POLR1D: variants seen among roughly 807,000 people sequenced by gnomAD.
POLR1D encodes RNA polymerase I and III subunit D.
POLR1D carries 8 observed loss-of-function variants against 10.8 expected under a neutral mutation model. The observed-to-expected ratio is 0.74, with a 90% CI of 0.43 to 1.33. The LOEUF (loss-of-function observed/expected upper bound fraction) is 1.33, where lower values mean the gene tolerates loss of function less well. Ranked by LOEUF, POLR1D falls within the 40% of genes most tolerant of loss-of-function variation. The pLI, the probability that POLR1D is intolerant of heterozygous loss-of-function variation, is 0.01. For synonymous variants in POLR1D, 54 were observed against 57.2 expected, an observed-to-expected ratio of 0.94 and a Z score of 0.25; for missense variants, 152 against 161.7, an observed-to-expected ratio of 0.94 and a Z score of 0.32.
Position 27,663,300 on chromosome 13 carries a change from C to T in POLR1D, c.102-2386C>T, listed in dbSNP as rs1956382801. Among the ~76,000 whole-genome samples the T allele has an allele frequency of 6.6e-6, 1 of 152,168 alleles. No homozygotes were observed. ...GCATGCCTGGGAGATGTCTGACTTT[C>T]AAACCCCACCTCCACCCCACCCCAG... is the stretch of plus-strand genomic sequence containing the variant. On this transcript the variant is annotated intron_variant, in intron 2 of 2. Transcript: ENST00000399697. The surrounding 1 kb of genome is among the most constrained non-coding windows in gnomAD (Gnocchi z 4.1).
intron 1 of POLR1D, among the ~76,000 whole-genome samples, chr13:27,632,643 C>CA (rs1352271077): frequency 6.8e-6 from 1 of 148,144 alleles, no homozygotes; most frequent in East Asian, 2.0e-4. Flanking sequence ...ATTGCAGCAC[C>CA]CCCCGCCCCC....
At chr13:27,655,777 C>T (rs1956302701) in intron 2 of POLR1D, among the ~76,000 whole-genome samples, 1 of 147,244 alleles carries the variant, frequency 6.8e-6, no homozygotes, top group South Asian at 2.1e-4. Context: ...GTATGAGATT[C>T]GTGTAAGACT....
chr13:27,661,466 C>T (rs1956363275), intron 2 of POLR1D, among the ~76,000 whole-genome samples: 1 of 152,182 alleles, frequency 6.6e-6, no homozygotes, highest in Non-Finnish European at 1.5e-5. Flanking sequence ...GACAGGAAAT[C>T]AGCTGCCCTG....
At chr13:27,639,413 C>T (rs471392) in intron 1 of POLR1D, among the ~76,000 whole-genome samples, 127,546 of 152,156 alleles carry the variant, frequency 0.84, 53,906 homozygotes, top group East Asian at 0.93. Context: ...CAGAGTTTAA[C>T]ATTTCCTAAG....
At chr13:27,643,116 T>G (rs920530384) in intron 1 of POLR1D, among the ~76,000 whole-genome samples, 1 of 152,228 alleles carries the variant, frequency 6.6e-6, no homozygotes, top group Non-Finnish European at 1.5e-5. Flanking sequence ...AAAGTACATA[T>G]ATGGCTCTTT....
intron 1 of POLR1D, chr13:27,622,221 G>C (rs1184889502): frequency 1.6e-6 from 1 of 608,146 alleles, no homozygotes; most frequent in Non-Finnish European, 2.9e-6. Flanking sequence ...TGGGAGACCA[G>C]AGTTAAGTAT....
chr13:27,639,426 A>G (rs1307018667), intron 1 of POLR1D, among the ~76,000 whole-genome samples: 2 of 152,108 alleles, frequency 1.3e-5, no homozygotes, highest in Non-Finnish European at 2.9e-5. Flanking sequence ...TTCCTAAGTA[A>G]CCCTATCATC....
At chr13:27,654,270 T>C (rs1304891704) in intron 2 of POLR1D, among the ~76,000 whole-genome samples, 1 of 152,228 alleles carries the variant, frequency 6.6e-6, no homozygotes, top group Non-Finnish European at 1.5e-5. Flanking sequence ...AATATCCTTG[T>C]ACCTTGGCTG....
intron 2 of POLR1D, among the ~76,000 whole-genome samples, chr13:27,648,782 A>G (rs1956242970): frequency 6.6e-6 from 1 of 152,348 alleles, no homozygotes; most frequent in South Asian, 2.1e-4. Context: ...ATTGTTTAAG[A>G]ATTTCTAGTT....
chr13:27,637,801 A>AT (rs549218744), intron 1 of POLR1D, among the ~76,000 whole-genome samples: 4,788 of 147,246 alleles, frequency 0.033, 235 homozygotes, highest in African/African-American at 0.11. Context: ...ATTAAAAAAA[A>AT]TTTTTTTTTT....
chr13:27,640,286 A>G (rs780317960), intron 1 of POLR1D, among the ~76,000 whole-genome samples: 3 of 152,162 alleles, frequency 2.0e-5, no homozygotes, highest in Non-Finnish European at 4.4e-5. Flanking sequence ...GCTCAGTGCA[A>G]TTCATAACCC....
chr13:27,663,173 T>C lies in POLR1D; in HGVS notation c.102-2513T>C, dbSNP rs1286918962. 1.3e-5 allele frequency among the ~76,000 whole-genome samples: 2 copies of C among 152,240 alleles called. No individual in the cohort carries two copies. Among genetic ancestry groups the C allele is most frequent in the Non-Finnish European group, 2.9e-5 (2 of 68,048 alleles). ...TCTTTATATAAAATGATTTACTATA[T>C]GTACCTTCACATCTGCTTGCAACTA... On this transcript the variant is annotated intron_variant, in intron 2 of 2. Transcript: ENST00000399697. The surrounding 1 kb of genome is among the most constrained non-coding windows in gnomAD (Gnocchi z 4.1).
intron 2 of POLR1D, among the ~76,000 whole-genome samples, chr13:27,652,911 CT>C (rs71083685): frequency 0.018 from 1,644 of 89,166 alleles, 4 homozygotes; most frequent in African/African-American, 0.024. Context: ...TTTACCATTT[CT>C]TTTTTTTTTT....
At chr13:27,648,431 G>C (rs1209845490) in exon 2 of POLR1D, 1 of 1,609,480 alleles carries the variant, frequency 6.2e-7, no homozygotes, top group African/African-American at 1.3e-5. Context: ...AACTAGAGCT[G>C]AAACAATGGG....
At chr13:27,652,127 A>G (rs1361279087) in intron 2 of POLR1D, among the ~76,000 whole-genome samples, 1 of 152,260 alleles carries the variant, frequency 6.6e-6, no homozygotes, top group Non-Finnish European at 1.5e-5. Flanking sequence ...AAGACTCAGC[A>G]TAGAGTTAAA....
chr13:27,648,212 C>A (rs1956236965), intron 1 of POLR1D: 3 of 534,010 alleles, frequency 5.6e-6, no homozygotes, highest in East Asian at 3.4e-5. Flanking sequence ...TTAATAGTTT[C>A]TTTTTAATTT....
intron 1 of POLR1D, among the ~76,000 whole-genome samples, chr13:27,645,569 T>TGA (rs200958610): frequency 3.3e-5 from 5 of 151,452 alleles, no homozygotes; most frequent in Non-Finnish European, 7.4e-5. Context: ...CTCTATATCT[T>TGA]CATTAGTTGT....
chr13:27,658,743 G>A (rs1225575399), intron 2 of POLR1D, among the ~76,000 whole-genome samples: 1 of 152,172 alleles, frequency 6.6e-6, no homozygotes, highest in African/African-American at 2.4e-5. Context: ...TGCTTTAGGA[G>A]AAGCTGAAAT....
At chr13:27,649,662 T>TGAG (rs1956249564) in intron 2 of POLR1D, among the ~76,000 whole-genome samples, 1 of 152,188 alleles carries the variant, frequency 6.6e-6, no homozygotes, top group African/African-American at 2.4e-5. Context: ...AACATCAGTA[T>TGAG]GAGGTTGTGC....
Sources: gnomAD v4.1 joint callset for allele counts (sites outside exome capture counted in the v4.1 genomes callset) on GRCh38, gnomAD v4.1.1 for gene constraint, Gnocchi (gnomAD v3.1) non-coding constraint, MANE v1.5 for transcripts, NCBI Gene and HGNC (gene_info 2026-07-23, HGNC 2026-07-21) for gene names.